OSBP2: variants seen among roughly 807,000 people sequenced by gnomAD.
OSBP2 encodes the protein oxysterol binding protein 2, also known as oxysterol-binding protein 2.
In OSBP2, 66 loss-of-function variants were observed where a neutral mutation model predicts 96.0. The ratio of observed to expected loss-of-function variants is 0.69; its 90% CI spans 0.56 to 0.84. The LOEUF (loss-of-function observed/expected upper bound fraction) is 0.84, where lower values mean the gene tolerates loss of function less well. OSBP2 is among the 40% of genes least tolerant of loss of function. The pLI is 0.00. For missense variants in OSBP2, 1,038 were observed against 1,222.7 expected (o/e 0.85, Z 2.25); for synonymous variants, 525 against 520.9 (o/e 1.01, Z -0.11).
chr22:30,809,584 G>A (rs2145854729), intron 2 of OSBP2, among the ~76,000 whole-genome samples: 1 of 152,266 alleles, frequency 6.6e-6, no homozygotes, highest in Admixed American at 6.5e-5. Flanking sequence ...GCCTGGGACT[G>A]GGGAGTGCTG....
chr22:30,814,861 G>C (rs1032119752), intron 2 of OSBP2, among the ~76,000 whole-genome samples: 3 of 152,208 alleles, frequency 2.0e-5, no homozygotes, highest in African/African-American at 7.2e-5. Flanking sequence ...TGAGAATCTG[G>C]GAAGTAAAGC....
At chr22:30,781,486 T>G (rs888649918) in intron 2 of OSBP2, among the ~76,000 whole-genome samples, 4 of 151,804 alleles carry the variant, frequency 2.6e-5, no homozygotes, top group Non-Finnish European at 5.9e-5. Context: ...CAGCCTGAGG[T>G]GTGTGTGTTT....
At chr22:30,750,044 T>G (rs117309434) in intron 2 of OSBP2, among the ~76,000 whole-genome samples, 1,673 of 152,310 alleles carry the variant, frequency 0.011, 63 homozygotes, top group Admixed American at 0.074. Context: ...GCCAGAGGGC[T>G]GGGCCTGACG....
rs750813590 is a variant in OSBP2 at position 30,893,994 on chromosome 22, C to A, written c.2368C>A (p.Pro790Thr). Residue 790 changes from proline to threonine, a missense_variant, in exon 12 of 14, where the codon CCG (proline) becomes ACG (threonine). Pro to Thr is a conservative substitution (Grantham distance 38, BLOSUM62 -1). This residue lies in a region of OSBP2 where 737 missense variants were observed against 913.3 expected (regional missense o/e 0.81). Transcript: ENST00000332585. The stretch of plus-strand genomic sequence containing the variant: ...AGCCAAGCTGCTGTGGAAGAAGTAC[C>A]CGCTGCCGTGAGTAGGGCTGGCAGG... ...LSAKLLWKKY[P>T]LPENAENMYY... is the part of the protein sequence containing the mutation. The A allele has an allele frequency of 4.4e-6, 7 of 1,592,648 alleles. No homozygotes were observed. The East Asian group carries it at 1.6e-4, about 36-fold the overall frequency.
intron 2 of OSBP2, among the ~76,000 whole-genome samples, chr22:30,849,145 G>A (rs1388934293): frequency 6.6e-6 from 1 of 152,232 alleles, no homozygotes; most frequent in Middle Eastern, 3.4e-3. Context: ...GTGCACGCCT[G>A]TAGTCCTAGC....
At chr22:30,825,981 G>T (rs1452025963) in intron 2 of OSBP2, among the ~76,000 whole-genome samples, 1 of 152,166 alleles carries the variant, frequency 6.6e-6, no homozygotes, top group African/African-American at 2.4e-5. Context: ...TACCAGGTCA[G>T]GCGGTTAGGT....
chr22:30,833,902 C>T (rs1370152140), intron 2 of OSBP2, among the ~76,000 whole-genome samples: 2 of 152,182 alleles, frequency 1.3e-5, no homozygotes, highest in African/African-American at 4.8e-5. Context: ...TTTTTACCAA[C>T]ACTTTGTTTT....
At chr22:30,699,645 C>A (rs2089125083) in intron 1 of OSBP2, among the ~76,000 whole-genome samples, 1 of 152,132 alleles carries the variant, frequency 6.6e-6, no homozygotes, top group Non-Finnish European at 1.5e-5. Context: ...TTTCAATTTC[C>A]ATTATTTTTA....
chr22:30,863,848 G>T (rs1448819191), intron 2 of OSBP2, among the ~76,000 whole-genome samples: 1 of 152,204 alleles, frequency 6.6e-6, no homozygotes, highest in Non-Finnish European at 1.5e-5. Context: ...CTGCTGTGGG[G>T]AGTGGGGAGC....
intron 2 of OSBP2, among the ~76,000 whole-genome samples, chr22:30,783,792 G>A (rs1234584924): frequency 6.6e-6 from 1 of 152,210 alleles, no homozygotes. Flanking sequence ...TGATGCAAAT[G>A]TGCCTCTTCT....
intron 2 of OSBP2, among the ~76,000 whole-genome samples, chr22:30,862,963 A>C (rs1162630073): frequency 8.4e-5 from 1 of 11,836 alleles, no homozygotes; most frequent in Non-Finnish European, 1.7e-4. Context: ...ACTCTGTCTC[A>C]AAAAAAAAAA....
chr22:30,711,232 G>A (rs1031137688), intron 1 of OSBP2, among the ~76,000 whole-genome samples: 1 of 151,666 alleles, frequency 6.6e-6, no homozygotes, highest in Non-Finnish European at 1.5e-5. Context: ...ATATTTATGT[G>A]TGTTTGTTTT....
At chr22:30,723,322 G>A (rs941234868) in intron 1 of OSBP2, among the ~76,000 whole-genome samples, 2 of 151,556 alleles carry the variant, frequency 1.3e-5, no homozygotes, top group African/African-American at 4.9e-5. Flanking sequence ...GGTCAGGCTG[G>A]TCTTGAACTC....
intron 1 of OSBP2, 102 bp downstream of exon 1, chr22:30,695,655 G>C: frequency 6.6e-7 from 1 of 1,515,754 alleles, no homozygotes; most frequent in Non-Finnish European, 8.8e-7. Flanking sequence ...CACTAGTCTA[G>C]AGATGTTTAG....
chr22:30,805,197 T>C lies in OSBP2; in HGVS notation c.853+63828T>C, dbSNP rs1012418413. Among the ~76,000 whole-genome samples, 5 of 152,370 alleles carry C rather than the reference T, an allele frequency of 3.3e-5. No homozygotes were observed. In the South Asian group the frequency reaches 8.3e-4, roughly 25 times the overall value. ...GAAGTCCTGACTGGCTTGTATCACA[T>C]GCAAGCCTGCATTTATGCACAGTTA... On this transcript the variant is annotated intron_variant, in intron 2 of 13. Coordinates refer to ENST00000332585, the MANE Select transcript of OSBP2 (RefSeq NM_030758.4).
At chr22:30,872,768 G>A (rs1209066446) in intron 3 of OSBP2, among the ~76,000 whole-genome samples, 1 of 152,226 alleles carries the variant, frequency 6.6e-6, no homozygotes, top group Non-Finnish European at 1.5e-5. Context: ...CCAGAGGCTT[G>A]TGTTTCCCCT....
intron 2 of OSBP2, among the ~76,000 whole-genome samples, chr22:30,786,474 C>G (rs987734773): frequency 1.3e-5 from 2 of 152,176 alleles, no homozygotes; most frequent in African/African-American, 2.4e-5. Context: ...GGGAGACAGA[C>G]AAACCAATAC....
chr22:30,703,082 G>A lies in OSBP2; in HGVS notation c.644+7529G>A, dbSNP rs117804894. Among the ~76,000 whole-genome samples, 1,142 of 152,276 alleles carry A rather than the reference G, an allele frequency of 7.5e-3. 11 individuals carry two copies. Among genetic ancestry groups the A allele is most frequent in the Non-Finnish European group, 0.011 (780 of 68,032 alleles). The stretch of plus-strand genomic sequence containing the variant: ...GAGATTGCAGGCTTAAGCCAGGAGT[G>A]CAGGAAAAGCAACAGTGGGAATGTG... On this transcript the variant is annotated intron_variant, in intron 1 of 13. Transcript: ENST00000332585.
rs1206537838 is a variant in OSBP2, at chr22:30,730,774, CTATATATATA to C, written c.645-10362_645-10353del. 4.8e-3 allele frequency among the ~76,000 whole-genome samples: 66 copies of C among 13,824 alleles called. 4 individuals are homozygous for C. Among genetic ancestry groups the C allele is most frequent in the Admixed American group, 0.014 (15 of 1,044 alleles). The allele number at this position is 13,824 out of a possible 152,430, so 9.1% of individuals were successfully genotyped here. On this transcript the variant is annotated intron_variant, in intron 1 of 13. Transcript: ENST00000332585. ...TCTCTCTCTCTCTCTCTCTCTCTCTCTATATATATATATATATATATATATATATATATAA... is the reference window on the plus strand; with the variant it reads ...TCTCTCTCTCTCTCTCTCTCTCTCTCTATATATATATATATATATATATAA...
Sources: gnomAD v4.1 joint callset for allele counts (sites outside exome capture counted in the v4.1 genomes callset) on GRCh38, gnomAD v4.1.1 for gene constraint, gnomAD v4.1.1 regional missense constraint, MANE v1.5 for transcripts, NCBI Gene and HGNC (gene_info 2026-07-23, HGNC 2026-07-21) for gene names.